The following LYSMD3 variants were observed in gnomAD, a reference collection of about 807,000 sequenced individuals.
LYSMD3 encodes lysM and putative peptidoglycan-binding domain-containing protein 3.
Under a neutral mutation model 26.1 loss-of-function variants are expected in LYSMD3, and 13 were observed. That is an observed-to-expected ratio of 0.50 (90% CI 0.32 to 0.79). The LOEUF (loss-of-function observed/expected upper bound fraction) is 0.79. LYSMD3 is among the 30% of genes least tolerant of loss of function. LYSMD3 has a pLI of 0.03. For missense variants in LYSMD3, 331 were observed against 362.5 expected (o/e 0.91, Z 0.71); for synonymous variants, 109 against 119.4 (o/e 0.91, Z 0.57).
Position 90,519,187 on chromosome 5 carries a change from C to A in LYSMD3, c.553G>T (p.Val185Leu), listed in dbSNP as rs1436435099. 6.2e-7 allele frequency: 1 copy of A among 1,613,974 alleles called. No individual in the cohort carries two copies. Among genetic ancestry groups the A allele is most frequent in the Admixed American group, 1.7e-5 (1 of 60,010 alleles). The change falls in exon 3 of 3, where the codon GTA (valine) becomes TTA (leucine). Residue 185 changes from valine (V) to leucine (L), a missense_variant. Physicochemically the swap from Val to Leu is conservative, Grantham distance 32 (BLOSUM62 1). Coordinates refer to ENST00000315948, the MANE Select transcript of LYSMD3 (RefSeq NM_198273.2). ...TDNKRENLNE[V>L]VSALTAQQMR... ...TGTTGTGCTGTTAAGGCCGATACTA[C>A]CTCATTGAGGTTCTCTCTCTTATTG...
In LYSMD3 at chr5:90,529,555, T is replaced by C. The variant is rs1561269706; in HGVS notation, c.-119A>G. On this transcript the variant is annotated 5_prime_UTR_variant, in exon 1 of 3. Coordinates refer to ENST00000315948, the MANE Select transcript of LYSMD3 (RefSeq NM_198273.2). ...GAGCCTCTGCTTTGGGCTGACCCCG[T>C]CCGCCTCCGCCTCTGCCGCCAACGT... 2.2e-6 allele frequency: 1 copy of C among 456,352 alleles called. No individual in the cohort carries two copies. The highest frequency in any genetic ancestry group is 4.4e-6 in the Non-Finnish European group (1 of 226,820). The allele number at this position is 456,352 out of a possible 1,614,324, so 28.3% of individuals were successfully genotyped here.
At position 90,519,282 on chromosome 5, in the gene LYSMD3, T is replaced by C; in HGVS notation, c.458A>G (p.Tyr153Cys). The C allele has an allele frequency of 1.9e-6, 3 of 1,614,046 alleles. No individual in the cohort carries two copies. Among genetic ancestry groups the C allele is most frequent in the Non-Finnish European group, 2.5e-6 (3 of 1,179,976 alleles). ...TAAAAAGCTACCAGCTGAGTCACTG[T>C]AAGCAAGAGAATCATTAGCTGGCAA... ...EILPANDSLAYSDSAGSFLKE... is the reference protein window; with the variant it reads ...EILPANDSLACSDSAGSFLKE... The change falls in exon 3 of 3, where the codon TAC (tyrosine) becomes TGC (cysteine). Residue 153 changes from tyrosine to cysteine, a missense_variant. Tyr to Cys is a radical substitution (Grantham distance 194). This residue lies in a region of LYSMD3 where 262 missense variants were observed against 267.3 expected (regional missense o/e 0.98). Transcript: ENST00000315948.
chr5:90,522,326 G>A (rs751151846), intron 2 of LYSMD3, among the ~76,000 whole-genome samples: 3 of 152,156 alleles, frequency 2.0e-5, no homozygotes, highest in Non-Finnish European at 2.9e-5. Context: ...AGAACCATGA[G>A]CCAATTAAAC....
chr5:90,527,552 A>C (rs534145963), intron 1 of LYSMD3, among the ~76,000 whole-genome samples: 1 of 152,224 alleles, frequency 6.6e-6, no homozygotes, highest in Middle Eastern at 3.4e-3. Flanking sequence ...GGTGGCTGAG[A>C]TAGTGACACT....
chr5:90,525,335 T>C (rs1388463422), intron 1 of LYSMD3, 35 bp from the exon 2 acceptor site: 19 of 1,550,432 alleles, frequency 1.2e-5, no homozygotes, highest in Non-Finnish European at 2.6e-6. Flanking sequence ...AATTTTGGAA[T>C]GTAGCTGATC....
At chr5:90,520,272 C>G (rs1753056103) in intron 2 of LYSMD3, 3 of 407,406 alleles carry the variant, frequency 7.4e-6, no homozygotes, top group Middle Eastern at 7.2e-4. Context: ...AGGGGAGTGT[C>G]TGGCAGATTA....
chr5:90,518,602 C>T lies in LYSMD3; in HGVS notation c.*217G>A. On this transcript the variant is annotated 3_prime_UTR_variant, in exon 3 of 3. Coordinates refer to ENST00000315948, the MANE Select transcript of LYSMD3 (RefSeq NM_198273.2). Reference sequence around the variant, plus strand: ...CCTAAACACACATTTAAATTAATTTCTGCTTGAAACATTCACACACCAGAT... The same window carrying T: ...CCTAAACACACATTTAAATTAATTTTTGCTTGAAACATTCACACACCAGAT... 2.3e-6 allele frequency: 1 copy of T among 430,434 alleles called. No homozygotes were observed. The highest frequency in any genetic ancestry group is 4.1e-6 in the Non-Finnish European group (1 of 244,204). The allele number at this position is 430,434 out of a possible 1,614,324, so 26.7% of individuals were successfully genotyped here.
Position 90,516,709 on chromosome 5 carries a change from A to C in LYSMD3, c.*2110T>G, listed in dbSNP as rs1472721291. 3.3e-5 allele frequency: 5 copies of C among 152,432 alleles called. No individual in the cohort carries two copies. The highest frequency in any genetic ancestry group is 1.2e-4 in the African/African-American group (5 of 41,456). 9.4% of individuals were successfully genotyped at this position (152,432 alleles called of 1,614,324 possible). A position where few individuals can be genotyped will look rare whatever the true frequency, so the allele number is the denominator to read the frequency against. The stretch of plus-strand genomic sequence containing the variant: ...TATATTCAATTAATTCAAATATATA[A>C]TTTAAATACAGAAAAAAGAAAACTA... On this transcript the variant is annotated 3_prime_UTR_variant, in exon 3 of 3. Coordinates refer to ENST00000315948, the MANE Select transcript of LYSMD3 (RefSeq NM_198273.2).
intron 1 of LYSMD3, among the ~76,000 whole-genome samples, chr5:90,529,081 CAG>C (rs1475982192): frequency 6.6e-6 from 1 of 152,254 alleles, no homozygotes; most frequent in Non-Finnish European, 1.5e-5. Context: ...GATTACGTCT[CAG>C]AGTCTTCTGT....
Position 90,519,250 on chromosome 5 carries a change from C to T in LYSMD3, c.490G>A (p.Val164Ile). The T allele has an allele frequency of 1.2e-6, 2 of 1,613,926 alleles. No homozygotes were observed. Among genetic ancestry groups the T allele is most frequent in the Non-Finnish European group, 1.7e-6 (2 of 1,179,978 alleles). Residue 164 changes from valine (V) to isoleucine (I), a missense_variant, in exon 3 of 3, where the codon GTA becomes ATA. By Grantham distance (29) the Val-to-Ile change is conservative. Coordinates refer to ENST00000315948, the MANE Select transcript of LYSMD3 (RefSeq NM_198273.2). Reference sequence around the variant, plus strand: ...ACTATTTGTTCTATGTCTCGGTCTACTTCTTTTAAAAAGCTACCAGCTGAG... The same window carrying T: ...ACTATTTGTTCTATGTCTCGGTCTATTTCTTTTAAAAAGCTACCAGCTGAG... Reference protein sequence around the residue: ...SDSAGSFLKEVDRDIEQIVKC... With the variant: ...SDSAGSFLKEIDRDIEQIVKC...
At chr5:90,520,463 T>G (rs1405842240) in intron 2 of LYSMD3, 1 of 454,556 alleles carries the variant, frequency 2.2e-6, no homozygotes, top group Non-Finnish European at 4.4e-6. Flanking sequence ...AATGGAACAC[T>G]GTGGAGGGTA....
chr5:90,528,928 A>T (rs1458851499), intron 1 of LYSMD3, among the ~76,000 whole-genome samples: 1 of 152,252 alleles, frequency 6.6e-6, no homozygotes, highest in Non-Finnish European at 1.5e-5. Context: ...AGAGGGTCAC[A>T]GGGCACAAGT....
Position 90,518,872 on chromosome 5 carries a change from G to A in LYSMD3, c.868C>T (p.His290Tyr), listed in dbSNP as rs765636883. Residue 290 changes from histidine to tyrosine, a missense_variant, in exon 3 of 3, where the codon CAT becomes TAT. Physicochemically the swap from His to Tyr is moderately conservative, Grantham distance 83. Coordinates refer to ENST00000315948, the MANE Select transcript of LYSMD3 (RefSeq NM_198273.2). Reference sequence around the variant, plus strand: ...TGAGAATCTTGACTATACAGTTTATGATCATCTTGTTGGCTGAAATGTATT... The same window carrying A: ...TGAGAATCTTGACTATACAGTTTATAATCATCTTGTTGGCTGAAATGTATT... ...KGIHFSQQDDHKLYSQDSQSP... is the reference protein window; with the variant it reads ...KGIHFSQQDDYKLYSQDSQSP... 18 of 1,613,834 alleles carry A rather than the reference G, an allele frequency of 1.1e-5. No homozygotes were observed. In the Admixed American group the frequency reaches 3.0e-4, roughly 27 times the overall value.
Position 90,519,502 on chromosome 5 carries a change from A to AG in LYSMD3, c.256-19_256-18insC, listed in dbSNP as rs758522858. 2.1e-5 allele frequency: 33 copies of AG among 1,584,848 alleles called. No homozygotes were observed. In the African/African-American group the frequency reaches 4.2e-4, roughly 20 times the overall value. Reference sequence around the variant, plus strand: ...TCTGCTACCTGTGGGGGGGAAAAAAAAGCAACATACAACTGAATTCCAATC... The same window carrying AG: ...TCTGCTACCTGTGGGGGGGAAAAAAAGAGCAACATACAACTGAATTCCAATC... On this transcript the variant is annotated intron_variant, in intron 2 of 2. Coordinates refer to ENST00000315948, the MANE Select transcript of LYSMD3 (RefSeq NM_198273.2).
intron 1 of LYSMD3, 104 bp downstream of exon 1, chr5:90,529,341 CCCA>C: frequency 2.2e-6 from 1 of 454,788 alleles, no homozygotes; most frequent in Non-Finnish European, 4.4e-6. Context: ...CCCTGCAGCC[CCCA>C]CCACACCTGT....
At chr5:90,528,945 T>A (rs1753289856) in intron 1 of LYSMD3, among the ~76,000 whole-genome samples, 1 of 152,178 alleles carries the variant, frequency 6.6e-6, no homozygotes, top group Non-Finnish European at 1.5e-5. Context: ...AAGTTAAAGC[T>A]GCAAAGGGAC....
intron 2 of LYSMD3, among the ~76,000 whole-genome samples, chr5:90,522,162 T>C (rs1361234198): frequency 6.6e-6 from 1 of 152,142 alleles, no homozygotes; most frequent in African/African-American, 2.4e-5. Context: ...TGAGATCTGA[T>C]TGTTTAAAAG....
chr5:90,519,625 A>G (rs901739941), intron 2 of LYSMD3, 141 bp from the exon 3 acceptor site: 6 of 809,280 alleles, frequency 7.4e-6, no homozygotes, highest in African/African-American at 1.7e-5. Flanking sequence ...AGAAATTTTA[A>G]TTTTATTTGT....
At position 90,519,131 on chromosome 5, in the gene LYSMD3, A is replaced by C. The variant is rs1329453703; in HGVS notation, c.609T>G (p.Thr203=). ...QMRFEPDNKN[T]QRKDPYYGAD... ...CTCCATAATAGGGGTCTTTACGTTG[A>C]GTGTTTTTGTTATCAGGTTCAAAAC... Residue 203 remains threonine (T), a synonymous_variant, in exon 3 of 3, where the codon ACT becomes ACG. Transcript: ENST00000315948. 1 of 1,613,914 alleles carries C rather than the reference A, an allele frequency of 6.2e-7. No homozygotes were observed. The highest frequency in any genetic ancestry group is 2.2e-5 in the East Asian group (1 of 44,886).
Sources: allele counts gnomAD v4.1 joint callset (sites outside exome capture counted in the v4.1 genomes callset), GRCh38; gene constraint gnomAD v4.1.1; regional missense constraint gnomAD v4.1.1; transcripts MANE v1.5; gene names NCBI Gene and HGNC (gene_info 2026-07-23, HGNC 2026-07-21).